Variants in LRRTM4 observed in about 807,000 individuals in gnomAD.
LRRTM4 encodes the protein leucine rich repeat transmembrane neuronal 4, also known as leucine-rich repeat transmembrane neuronal protein 4.
Under a neutral mutation model 47.6 loss-of-function variants are expected in LRRTM4, and 25 were observed. That is an observed-to-expected ratio of 0.53 (90% CI 0.38 to 0.73). The LOEUF (loss-of-function observed/expected upper bound fraction) is 0.73, where lower values mean the gene tolerates loss of function less well. Among genes scored for constraint, LRRTM4 ranks in the 30% least tolerant of loss-of-function variants. The pLI, the probability that LRRTM4 is intolerant of heterozygous loss-of-function variation, is 0.00. For missense variants in LRRTM4, 638 were observed against 713.4 expected, an observed-to-expected ratio of 0.89 and a Z score of 1.20; for synonymous variants, 311 against 269.5, an observed-to-expected ratio of 1.15 and a Z score of -1.51.
rs72913903 is a variant in LRRTM4, at chr2:77,180,595, A to G, written c.1551+337723T>C. 6.9e-3 allele frequency among the ~76,000 whole-genome samples: 1,055 copies of G among 152,274 alleles called. 13 individuals carry two copies. The highest frequency in any genetic ancestry group is 0.024 in the African/African-American group (1,000 of 41,556). On this transcript the variant is annotated intron_variant, in intron 3 of 3. Transcript: ENST00000409884. ...TTCACATCAATAAAATATACCTTTC[A>G]TTATCATTTCCTTTCCTTAGAGAGT...
chr2:77,407,002 A>T (rs1674217182), intron 3 of LRRTM4, among the ~76,000 whole-genome samples: 1 of 152,142 alleles, frequency 6.6e-6, no homozygotes, highest in African/African-American at 2.4e-5. Context: ...ACTACTGTAA[A>T]GTTGGTCAAT....
At chr2:76,752,587 T>C (rs1316824529) in intron 3 of LRRTM4, among the ~76,000 whole-genome samples, 1 of 152,148 alleles carries the variant, frequency 6.6e-6, no homozygotes, top group Non-Finnish European at 1.5e-5. Context: ...CCAAGTGCAT[T>C]GGCAAGCTTT....
chr2:77,013,367 G>A (rs1677944225), intron 3 of LRRTM4, among the ~76,000 whole-genome samples: 1 of 152,188 alleles, frequency 6.6e-6, no homozygotes, highest in Non-Finnish European at 1.5e-5. Context: ...GCAGGCAATA[G>A]AGAATGGATA....
At chr2:77,448,607 C>A (rs981319819) in intron 3 of LRRTM4, among the ~76,000 whole-genome samples, 4 of 151,676 alleles carry the variant, frequency 2.6e-5, no homozygotes, top group Non-Finnish European at 5.9e-5. Flanking sequence ...TTCTTACTGC[C>A]TTCCTTCTTT....
intron 3 of LRRTM4, among the ~76,000 whole-genome samples, chr2:77,131,285 C>T (rs1447480562): frequency 6.6e-6 from 1 of 151,952 alleles, no homozygotes; most frequent in African/African-American, 2.4e-5. Flanking sequence ...AGTGTTATTC[C>T]CATTTGAGAC....
Position 77,173,593 on chromosome 2 carries a change from T to C in LRRTM4, c.1551+344725A>G, listed in dbSNP as rs189530523. Among the ~76,000 whole-genome samples the C allele has an allele frequency of 2.6e-5, 4 of 152,306 alleles. No homozygotes were observed. In the East Asian group the frequency reaches 5.8e-4, roughly 22 times the overall value. ...AATCTACGTCACTCTCCTTCCACTG[T>C]ATACTGTCCTGTAGTGACATATTGC... On this transcript the variant is annotated intron_variant, in intron 3 of 3. Transcript: ENST00000409884.
At chr2:77,292,657 T>C (rs1016611309) in intron 3 of LRRTM4, among the ~76,000 whole-genome samples, 1 of 125,482 alleles carries the variant, frequency 8.0e-6, no homozygotes, top group Non-Finnish European at 1.6e-5. Flanking sequence ...TGAGAACACA[T>C]GGACACAGGA....
chr2:77,305,110 G>A (rs1181974778), intron 3 of LRRTM4, among the ~76,000 whole-genome samples: 7 of 151,890 alleles, frequency 4.6e-5, no homozygotes, highest in African/African-American at 1.7e-4. Context: ...ATAAGCTGAG[G>A]TTGAAAAACT....
At chr2:76,880,638 A>C (rs1672902879) in intron 3 of LRRTM4, among the ~76,000 whole-genome samples, 1 of 152,160 alleles carries the variant, frequency 6.6e-6, no homozygotes, top group South Asian at 2.1e-4. Context: ...AAGAAAAAAA[A>C]CCAAAACACA....
At chr2:77,329,405 C>T (rs1172570732) in intron 3 of LRRTM4, among the ~76,000 whole-genome samples, 3 of 151,998 alleles carry the variant, frequency 2.0e-5, no homozygotes, top group Admixed American at 6.6e-5. Flanking sequence ...GCAATTTATC[C>T]GTGAAGAATA....
In LRRTM4 at chr2:77,340,120, C is replaced by A. The variant is rs80301225; in HGVS notation, c.1551+178198G>T. On this transcript the variant is annotated intron_variant, in intron 3 of 3. Coordinates refer to ENST00000409884, the MANE Select transcript of LRRTM4 (RefSeq NM_001134745.3). ...ATGCAGTTTTCAAAAGGAAAGATTG[C>A]ATGGAGTAAATTTTCTTTTCACTAG... Among the ~76,000 whole-genome samples, 230 of 151,936 alleles carry A rather than the reference C, an allele frequency of 1.5e-3. 7 individuals are homozygous for A. In the East Asian group the frequency reaches 0.039, roughly 26 times the overall value.
intron 3 of LRRTM4, among the ~76,000 whole-genome samples, chr2:77,247,929 ATAT>A (rs1275880417): frequency 1.3e-5 from 2 of 150,146 alleles, no homozygotes; most frequent in Admixed American, 1.3e-4. Context: ...ATGGTATATG[ATAT>A]TAATAATATT....
chr2:77,008,524 T>C (rs983847972), intron 3 of LRRTM4, among the ~76,000 whole-genome samples: 3 of 152,158 alleles, frequency 2.0e-5, no homozygotes, highest in Non-Finnish European at 2.9e-5. Context: ...GTTGCTGGCA[T>C]TGTCACCACA....
intron 3 of LRRTM4, among the ~76,000 whole-genome samples, chr2:77,236,737 A>G (rs1451112905): frequency 6.6e-6 from 1 of 152,002 alleles, no homozygotes; most frequent in Non-Finnish European, 1.5e-5. Flanking sequence ...ATGAAGTGAT[A>G]CTGGATTTTA....
chr2:76,888,493 T>A (rs1439664969), intron 3 of LRRTM4, among the ~76,000 whole-genome samples: 1 of 151,664 alleles, frequency 6.6e-6, no homozygotes, highest in Non-Finnish European at 1.5e-5. Context: ...TTTTCCTTTT[T>A]AAAATACAAT....
intron 3 of LRRTM4, among the ~76,000 whole-genome samples, chr2:76,880,203 A>G (rs1672890804): frequency 6.6e-6 from 1 of 152,224 alleles, no homozygotes; most frequent in Non-Finnish European, 1.5e-5. Context: ...ATGCGGGTAC[A>G]GCATCACATG....
intron 3 of LRRTM4, among the ~76,000 whole-genome samples, chr2:77,321,246 T>C (rs1356217125): frequency 6.6e-6 from 1 of 152,138 alleles, no homozygotes; most frequent in Non-Finnish European, 1.5e-5. Context: ...CTCTGCATAT[T>C]GAAATTATAA....
At chr2:77,505,540 A>G (rs17014194) in intron 3 of LRRTM4, among the ~76,000 whole-genome samples, 9,188 of 151,610 alleles carry the variant, frequency 0.061, 1,026 homozygotes, top group East Asian at 0.54. Flanking sequence ...CCAAATCACC[A>G]TAGTCATTTA....
chr2:77,172,002 A>T (rs1041095840), intron 3 of LRRTM4, among the ~76,000 whole-genome samples: 2 of 152,172 alleles, frequency 1.3e-5, no homozygotes, highest in African/African-American at 4.8e-5. Flanking sequence ...TTGAAATCTC[A>T]CATAGTGTCG....
Sources: gnomAD v4.1 joint callset for allele counts (sites outside exome capture counted in the v4.1 genomes callset) on GRCh38, gnomAD v4.1.1 for gene constraint, MANE v1.5 for transcripts, NCBI Gene and HGNC (gene_info 2026-07-23, HGNC 2026-07-21) for gene names.